LTBP1: variants seen among roughly 807,000 people sequenced by gnomAD.
The protein encoded by LTBP1 is latent-transforming growth factor beta-binding protein 1.
LTBP1 carries 129 observed loss-of-function variants against 207.6 expected under a neutral mutation model. The observed-to-expected ratio is 0.62, with a 90% confidence interval of 0.54 to 0.72. The LOEUF is 0.72. Ranked by LOEUF, LTBP1 falls within the 30% of genes least tolerant of loss-of-function variation. The probability of loss-of-function intolerance (pLI) is 0.00; values close to 1 mark genes in which losing one functional copy is unlikely to be tolerated. For synonymous variants in LTBP1, 963 were observed against 833.7 expected (o/e 1.16, Z -2.67); for missense variants, 2,281 against 2,217.2 (o/e 1.03, Z -0.58).
intron 5 of LTBP1, among the ~76,000 whole-genome samples, chr2:33,168,657 T>G (rs945889585): frequency 1.9e-4 from 29 of 151,740 alleles, no homozygotes; most frequent in African/African-American, 5.1e-4. Flanking sequence ...AAGGTCACAG[T>G]CCACCTGGCC....
Position 33,219,336 on chromosome 2 carries a change from C to T in LTBP1, c.1804+1682C>T, listed in dbSNP as rs139567480. ...AAGTAGGTTGAGTGTGATGGTTCAT[C>T]GTCACTGGAAGATCCATTTGCTTAA... On this transcript the variant is annotated intron_variant, in intron 8 of 33. Coordinates refer to ENST00000404816, the MANE Select transcript of LTBP1 (RefSeq NM_206943.4). 7.9e-3 allele frequency among the ~76,000 whole-genome samples: 1,199 copies of T among 152,224 alleles called. 5 individuals carry two copies. The highest frequency in any genetic ancestry group is 0.012 in the Non-Finnish European group (819 of 68,024).
chr2:33,005,708 TC>T (rs1349749131), intron 2 of LTBP1, among the ~76,000 whole-genome samples: 1 of 148,882 alleles, frequency 6.7e-6, no homozygotes, highest in African/African-American at 2.5e-5. Flanking sequence ...TCCCTCAGCC[TC>T]CCAGGTAGCT....
intron 5 of LTBP1, among the ~76,000 whole-genome samples, chr2:33,181,890 A>T (rs572407571): frequency 6.6e-6 from 1 of 152,300 alleles, no homozygotes; most frequent in African/African-American, 2.4e-5. Context: ...TTTGAAACAG[A>T]AGGAAACTAT....
intron 25 of LTBP1, among the ~76,000 whole-genome samples, chr2:33,344,944 C>T (rs6752265): frequency 5.1e-4 from 77 of 152,288 alleles, no homozygotes; most frequent in African/African-American, 1.7e-3. Context: ...GCCAGATGAG[C>T]ACACCAAACC....
chr2:33,207,505 A>G (rs2089971949), intron 7 of LTBP1, among the ~76,000 whole-genome samples: 1 of 138,896 alleles, frequency 7.2e-6, no homozygotes, highest in Non-Finnish European at 1.6e-5. Context: ...GAGTGGACTT[A>G]AAAAAAAGAA....
rs143079457 is a variant in LTBP1 at position 33,307,644 on chromosome 2, C to G, written c.3482-1790C>G. On this transcript the variant is annotated intron_variant, in intron 22 of 33. Coordinates refer to ENST00000404816, the MANE Select transcript of LTBP1 (RefSeq NM_206943.4). ...TTTGTCAAAACTCATTGAGCTGACTCTTAAGTAGATCAATTTATTTTATGT... is the reference window on the plus strand; with the variant it reads ...TTTGTCAAAACTCATTGAGCTGACTGTTAAGTAGATCAATTTATTTTATGT... Among the ~76,000 whole-genome samples, 122 of 152,266 alleles carry G rather than the reference C, an allele frequency of 8.0e-4. No homozygotes were observed. The Middle Eastern group carries it at 0.017, about 21-fold the overall frequency.
intron 2 of LTBP1, among the ~76,000 whole-genome samples, chr2:33,011,850 A>C (rs1333449295): frequency 6.6e-6 from 1 of 151,950 alleles, no homozygotes; most frequent in African/African-American, 2.4e-5. Context: ...TAAATCCTGA[A>C]TCAGTGGGGT....
chr2:33,327,355 A>G (rs1465420427), intron 24 of LTBP1, among the ~76,000 whole-genome samples: 1 of 152,198 alleles, frequency 6.6e-6, no homozygotes, highest in Non-Finnish European at 1.5e-5. Flanking sequence ...CTGAATATAT[A>G]ACAATGCTGT....
chr2:32,971,577 T>C (rs1558456192), intron 2 of LTBP1, among the ~76,000 whole-genome samples: 1 of 152,254 alleles, frequency 6.6e-6, no homozygotes, highest in Non-Finnish European at 1.5e-5. Flanking sequence ...TTACCCCTCT[T>C]TTTGTGATAG....
intron 2 of LTBP1, among the ~76,000 whole-genome samples, chr2:33,004,461 A>G (rs1397724897): frequency 6.6e-6 from 1 of 151,826 alleles, no homozygotes; most frequent in East Asian, 1.9e-4. Flanking sequence ...AATTCCCTTA[A>G]CGTATATAAG....
At chr2:33,184,965 A>T (rs138598590) in intron 5 of LTBP1, among the ~76,000 whole-genome samples, 1 of 152,276 alleles carries the variant, frequency 6.6e-6, no homozygotes, top group Non-Finnish European at 1.5e-5. Flanking sequence ...TTGTGGCAGC[A>T]AGAAGGTAAG....
chr2:33,235,663 T>C (rs1401291236), intron 9 of LTBP1, among the ~76,000 whole-genome samples: 1 of 152,102 alleles, frequency 6.6e-6, no homozygotes, highest in Non-Finnish European at 1.5e-5. Context: ...CAAATGCCCA[T>C]CAATGATAGA....
intron 10 of LTBP1, 75 bp from the exon 11 acceptor site, chr2:33,252,602 C>G (rs1293448456): frequency 7.3e-6 from 10 of 1,364,634 alleles, no homozygotes; most frequent in African/African-American, 1.4e-5. Flanking sequence ...CCTTAGGGTT[C>G]ATTTTACTAT....
At chr2:33,384,855 C>G (rs2095252008) in intron 31 of LTBP1, among the ~76,000 whole-genome samples, 1 of 152,150 alleles carries the variant, frequency 6.6e-6, no homozygotes, top group African/African-American at 2.4e-5. Flanking sequence ...GTAATGGGTT[C>G]TGCTTGTGGC....
intron 24 of LTBP1, among the ~76,000 whole-genome samples, chr2:33,318,998 A>G (rs964583793): frequency 1.3e-5 from 2 of 152,020 alleles, no homozygotes; most frequent in Non-Finnish European, 2.9e-5. Flanking sequence ...TACTCAGGGG[A>G]CTGAGACGGA....
At chr2:33,185,968 G>A (rs2087146707) in intron 5 of LTBP1, among the ~76,000 whole-genome samples, 1 of 152,212 alleles carries the variant, frequency 6.6e-6, no homozygotes, top group African/African-American at 2.4e-5. Flanking sequence ...GAATTCATTA[G>A]TGATAAAGAG....
At chr2:33,007,190 A>C (rs747085980) in intron 2 of LTBP1, among the ~76,000 whole-genome samples, 1 of 152,144 alleles carries the variant, frequency 6.6e-6, no homozygotes, top group Non-Finnish European at 1.5e-5. Flanking sequence ...TCAGCCTCCC[A>C]AGTAGGTCTC....
At chr2:33,253,020 A>G (rs1173041635) in intron 11 of LTBP1, among the ~76,000 whole-genome samples, 176 bp downstream of exon 11, 1 of 152,234 alleles carries the variant, frequency 6.6e-6, no homozygotes, top group East Asian at 1.9e-4. Flanking sequence ...GTGGGAAAAA[A>G]TTATGTGCAA....
At chr2:33,066,029 A>G (rs2077491892) in intron 3 of LTBP1, among the ~76,000 whole-genome samples, 3 of 152,092 alleles carry the variant, frequency 2.0e-5, no homozygotes, top group Admixed American at 6.6e-5. Flanking sequence ...CCAGTTTTCT[A>G]TTAGATCATG....
Sources: allele counts gnomAD v4.1 joint callset (sites outside exome capture counted in the v4.1 genomes callset), GRCh38; gene constraint gnomAD v4.1.1; transcripts MANE v1.5; gene names NCBI Gene and HGNC (gene_info 2026-07-23, HGNC 2026-07-21).